The following NRXN1 variants were observed in gnomAD, a reference collection of about 807,000 sequenced individuals.
The protein encoded by NRXN1 is neurexin 1, also known as neurexin-1.
NRXN1 carries 39 observed loss-of-function variants against 150.9 expected under a neutral mutation model. That is an observed-to-expected ratio of 0.26 (90% CI 0.20 to 0.34). The LOEUF (loss-of-function observed/expected upper bound fraction) is 0.34. Ranked by LOEUF, NRXN1 falls within the 10% of genes least tolerant of loss-of-function variation. The probability of loss-of-function intolerance (pLI) is 1.00; values close to 1 mark genes in which losing one functional copy is unlikely to be tolerated. For synonymous variants in NRXN1, 924 were observed against 757.0 expected (o/e 1.22, Z -3.62); for missense variants, 1,815 against 1,949.9 (o/e 0.93, Z 1.30).
chr2:50,967,132 T>G (rs1694234671), intron 2 of NRXN1, among the ~76,000 whole-genome samples: 1 of 151,940 alleles, frequency 6.6e-6, no homozygotes, highest in African/African-American at 2.4e-5. Context: ...CTCCATAATA[T>G]CTTCCATTTT....
chr2:50,773,355 A>G (rs1237834418), intron 5 of NRXN1, among the ~76,000 whole-genome samples: 4 of 152,158 alleles, frequency 2.6e-5, no homozygotes, highest in Non-Finnish European at 2.9e-5. Context: ...TTATCTTCCA[A>G]TGAGACACAG....
chr2:50,995,930 T>C (rs1193547092), intron 2 of NRXN1, among the ~76,000 whole-genome samples: 4 of 152,054 alleles, frequency 2.6e-5, no homozygotes, highest in African/African-American at 9.7e-5. Flanking sequence ...ACTTTTAGCT[T>C]TGTAAAAAGT....
chr2:50,234,405 A>G (rs2065232385), intron 18 of NRXN1, among the ~76,000 whole-genome samples: 1 of 151,976 alleles, frequency 6.6e-6, no homozygotes, highest in Non-Finnish European at 1.5e-5. Context: ...GAGGCAGGAG[A>G]ATAGCTTGAA....
intron 18 of NRXN1, among the ~76,000 whole-genome samples, chr2:50,153,405 G>A (rs1469109641): frequency 7.1e-6 from 1 of 141,534 alleles, no homozygotes; most frequent in Admixed American, 7.1e-5. Flanking sequence ...TTTTTTTTTT[G>A]TTGAAAAATG....
At chr2:50,517,313 T>C (rs1412366554) in intron 12 of NRXN1, among the ~76,000 whole-genome samples, 1 of 152,170 alleles carries the variant, frequency 6.6e-6, no homozygotes, top group Non-Finnish European at 1.5e-5. Flanking sequence ...TCAATGAGTT[T>C]AAAATCTCAG....
intron 5 of NRXN1, among the ~76,000 whole-genome samples, chr2:50,872,040 A>G (rs1253274402): frequency 1.3e-5 from 2 of 151,878 alleles, no homozygotes; most frequent in African/African-American, 2.4e-5. Flanking sequence ...AAAAATTCTC[A>G]TAACAAACCC....
intron 22 of NRXN1, among the ~76,000 whole-genome samples, chr2:49,942,101 G>A (rs1054421079): frequency 5.3e-5 from 8 of 152,132 alleles, no homozygotes; most frequent in African/African-American, 1.7e-4. Context: ...TATCTGTCAC[G>A]ACAACCAAGA....
At chr2:50,374,886 T>C (rs900728801) in intron 17 of NRXN1, among the ~76,000 whole-genome samples, 13 of 152,164 alleles carry the variant, frequency 8.5e-5, no homozygotes, top group African/African-American at 2.9e-4. Context: ...TTTTGACAGA[T>C]TTCTTAAGTT....
At chr2:51,026,500 AC>A in intron 2 of NRXN1, 1 of 1,465,086 alleles carries the variant, frequency 6.8e-7, no homozygotes, top group Non-Finnish European at 9.4e-7. Context: ...CTTAGGTATG[AC>A]TTTTGTAGTT....
At chr2:50,093,826 A>C (rs866752963) in intron 18 of NRXN1, among the ~76,000 whole-genome samples, 3 of 152,214 alleles carry the variant, frequency 2.0e-5, no homozygotes, top group South Asian at 2.1e-4. Flanking sequence ...TGATTAAGCA[A>C]TTTGGCTAAG....
chr2:50,404,799 T>C (rs2082640710), intron 17 of NRXN1, among the ~76,000 whole-genome samples: 2 of 151,850 alleles, frequency 1.3e-5, no homozygotes, highest in Non-Finnish European at 1.5e-5. Flanking sequence ...AGTATAAGAG[T>C]TTTGACTCCC....
intron 17 of NRXN1, among the ~76,000 whole-genome samples, chr2:50,373,715 A>AAGAAAG (rs1363871166): frequency 6.8e-6 from 1 of 147,460 alleles, no homozygotes; most frequent in Non-Finnish European, 1.5e-5. Flanking sequence ...AAGAAAGAGA[A>AAGAAAG]AGAAAGACAG....
chr2:50,113,091 T>G (rs1702588398), intron 18 of NRXN1, among the ~76,000 whole-genome samples: 1 of 152,186 alleles, frequency 6.6e-6, no homozygotes, highest in Non-Finnish European at 1.5e-5. Context: ...CCCCTAGATT[T>G]GATTCCTGCT....
intron 17 of NRXN1, among the ~76,000 whole-genome samples, chr2:50,299,497 G>C (rs754652058): frequency 6.6e-6 from 1 of 151,018 alleles, no homozygotes; most frequent in Non-Finnish European, 1.5e-5. Flanking sequence ...TACACTCTTA[G>C]ATAATAAAAG....
intron 18 of NRXN1, among the ~76,000 whole-genome samples, chr2:50,155,777 T>G (rs917566908): frequency 1.8e-4 from 28 of 151,592 alleles, no homozygotes; most frequent in South Asian, 4.1e-4. Context: ...ATAAGTATGG[T>G]GTATTCATAT....
intron 5 of NRXN1, among the ~76,000 whole-genome samples, chr2:50,893,845 A>T (rs529575900): frequency 1.3e-5 from 2 of 152,288 alleles, no homozygotes; most frequent in South Asian, 4.1e-4. Flanking sequence ...GAGTGAGAAT[A>T]TGCGGTGTTT....
At chr2:50,670,102 T>C (rs1483542439) in intron 5 of NRXN1, among the ~76,000 whole-genome samples, 1 of 151,782 alleles carries the variant, frequency 6.6e-6, no homozygotes, top group Admixed American at 6.6e-5. Flanking sequence ...CTGCATATAT[T>C]TATCTAGGGA....
At chr2:50,222,243 A>G (rs1187800063) in intron 18 of NRXN1, among the ~76,000 whole-genome samples, 1 of 151,994 alleles carries the variant, frequency 6.6e-6, no homozygotes, top group Non-Finnish European at 1.5e-5. Flanking sequence ...TGCTTCATGA[A>G]TGCTGCCAGA....
intron 5 of NRXN1, among the ~76,000 whole-genome samples, chr2:50,859,491 T>G (rs572309615): frequency 4.1e-4 from 63 of 151,996 alleles, no homozygotes; most frequent in South Asian, 1.2e-3. Context: ...AAATGATTAT[T>G]CAAAGAAACA....
Sources: allele counts gnomAD v4.1 joint callset (sites outside exome capture counted in the v4.1 genomes callset), GRCh38; gene constraint gnomAD v4.1.1; transcripts MANE v1.5; gene names NCBI Gene and HGNC (gene_info 2026-07-23, HGNC 2026-07-21).